RPTOR: variants seen among roughly 807,000 people sequenced by gnomAD.
The protein encoded by RPTOR is regulatory associated protein of MTOR complex 1.
A neutral mutation model predicts 169.9 loss-of-function variants in RPTOR; 21 were observed. That is an observed-to-expected ratio of 0.12 (90% confidence interval 0.09 to 0.18). RPTOR has a LOEUF of 0.18. Ranked by LOEUF, RPTOR falls within the 10% of genes least tolerant of loss-of-function variation. The pLI, the probability that RPTOR is intolerant of heterozygous loss-of-function variation, is 1.00. For synonymous variants in RPTOR, 732 were observed against 753.2 expected (o/e 0.97, Z 0.46); for missense variants, 1,133 against 1,855.9 (o/e 0.61, Z 7.16).
chr17:80,545,835 C>T, intron 1 of RPTOR, 44 bp downstream of exon 1: 1 of 1,490,542 alleles, frequency 6.7e-7, no homozygotes, highest in East Asian at 2.5e-5. Flanking sequence ...GTAGTTTCCC[C>T]AACAAAGAAA....
At chr17:80,788,535 C>A (rs528821678) in intron 6 of RPTOR, among the ~76,000 whole-genome samples, 2 of 152,264 alleles carry the variant, frequency 1.3e-5, no homozygotes, top group South Asian at 2.1e-4. Flanking sequence ...AATAAAAACA[C>A]CGCTCCACTG....
At chr17:80,706,718 C>T (rs1310070938) in intron 3 of RPTOR, among the ~76,000 whole-genome samples, 1 of 152,174 alleles carries the variant, frequency 6.6e-6, no homozygotes, top group African/African-American at 2.4e-5. Flanking sequence ...TCTGGCCCTT[C>T]GTCCCTGTTT....
At chr17:80,787,351 TG>T (rs2067003751) in intron 6 of RPTOR, among the ~76,000 whole-genome samples, 1 of 152,240 alleles carries the variant, frequency 6.6e-6, no homozygotes, top group Non-Finnish European at 1.5e-5. Flanking sequence ...TCTGCGAATA[TG>T]CCACACTGTG....
intron 24 of RPTOR, among the ~76,000 whole-genome samples, chr17:80,926,191 T>C (rs990595217): frequency 6.6e-6 from 1 of 152,230 alleles, no homozygotes; most frequent in Non-Finnish European, 1.5e-5. Context: ...TCTCTGTGAA[T>C]GGTATTTGGA....
At chr17:80,798,230 C>T (rs2067120331) in intron 7 of RPTOR, among the ~76,000 whole-genome samples, 1 of 152,174 alleles carries the variant, frequency 6.6e-6, no homozygotes, top group Non-Finnish European at 1.5e-5. Flanking sequence ...AACCAACTTC[C>T]CTCCTTACAG....
chr17:80,923,676 A>G lies in RPTOR; in HGVS notation c.2808+3A>G. 6.3e-7 allele frequency: 1 copy of G among 1,585,098 alleles called. No individual in the cohort carries two copies. The highest frequency in any genetic ancestry group is 8.6e-7 in the Non-Finnish European group (1 of 1,162,102). On this transcript the variant is annotated splice_donor_region_variant and intron_variant, in intron 23 of 33. Transcript: ENST00000306801. Reference sequence around the variant, plus strand: ...TGTTCGACAAGGGCCCAGAGCAGGTACGGGAGCCCGGCTGCCTGGTGATCT... The same window carrying G: ...TGTTCGACAAGGGCCCAGAGCAGGTGCGGGAGCCCGGCTGCCTGGTGATCT...
intron 1 of RPTOR, among the ~76,000 whole-genome samples, chr17:80,616,697 A>C (rs1417217065): frequency 6.6e-6 from 1 of 152,140 alleles, no homozygotes; most frequent in Non-Finnish European, 1.5e-5. Flanking sequence ...TTGAGATGGG[A>C]GGATCCGTTT....
chr17:80,743,654 G>T (rs3764370), intron 5 of RPTOR, among the ~76,000 whole-genome samples: 7,336 of 146,106 alleles, frequency 0.05, 270 homozygotes, highest in Non-Finnish European at 0.072. Flanking sequence ...CTTTGCCCTC[G>T]GCAGCAAGGG....
intron 1 of RPTOR, among the ~76,000 whole-genome samples, chr17:80,573,965 T>G (rs1322069291): frequency 6.6e-6 from 1 of 152,194 alleles, no homozygotes; most frequent in African/African-American, 2.4e-5. Flanking sequence ...CCCACATGCC[T>G]GGGTCGGGGG....
intron 5 of RPTOR, among the ~76,000 whole-genome samples, chr17:80,750,400 C>T (rs1220609232): frequency 1.3e-5 from 2 of 152,188 alleles, no homozygotes; most frequent in East Asian, 1.9e-4. Flanking sequence ...TCGCAAATGG[C>T]GCCTTCCACA....
intron 6 of RPTOR, among the ~76,000 whole-genome samples, chr17:80,771,168 A>G (rs2066839474): frequency 6.6e-6 from 1 of 150,404 alleles, no homozygotes; most frequent in African/African-American, 2.5e-5. Context: ...TGAAGCTCCC[A>G]CTCTCTGGCC....
At chr17:80,839,140 C>T (rs766033649) in intron 10 of RPTOR, among the ~76,000 whole-genome samples, 11 of 152,210 alleles carry the variant, frequency 7.2e-5, no homozygotes, top group South Asian at 2.1e-4. Flanking sequence ...GGTGTGCCTG[C>T]GTGCGTGCGT....
rs757939502 is a variant in RPTOR at position 80,949,543 on chromosome 17, G to A, written c.3366G>A (p.Thr1122=). 1.7e-5 allele frequency: 28 copies of A among 1,613,362 alleles called. No homozygotes were observed. The highest frequency in any genetic ancestry group is 8.8e-5 in the South Asian group (8 of 91,080). Residue 1122 remains threonine (T), a synonymous_variant, in exon 28 of 34, where the codon ACG becomes ACA. Coordinates refer to ENST00000306801, the MANE Select transcript of RPTOR (RefSeq NM_020761.3). ...WQGLSDMLPT[T]RGAGMVVDWE... ...GGCTCTCGGACATGCTGCCAACGAC[G>A]CGAGGTGGGTCCGCCCGGCTCCTCC...
At chr17:80,821,839 T>A (rs2067382516) in intron 7 of RPTOR, among the ~76,000 whole-genome samples, 1 of 152,200 alleles carries the variant, frequency 6.6e-6, no homozygotes, top group East Asian at 1.9e-4. Flanking sequence ...GGTATAACCC[T>A]GCAGAGCATG....
Position 80,609,571 on chromosome 17 carries a change from C to CGG in RPTOR, c.163-16120_163-16119insGG. On this transcript the variant is annotated intron_variant, in intron 1 of 33. Coordinates refer to ENST00000306801, the MANE Select transcript of RPTOR (RefSeq NM_020761.3). This position sits in a 1 kb window ranked among gnomAD's most constrained non-coding sequence, Gnocchi z 4.8. ...ACCAGCCTGGCCAACATGGTGAAACCCCATCTCTACTAAAAATAGAAAAAT... is the reference window on the plus strand; with the variant it reads ...ACCAGCCTGGCCAACATGGTGAAACCGGCCATCTCTACTAAAAATAGAAAAAT... Among the ~76,000 whole-genome samples, 1 of 152,024 alleles carries CGG rather than the reference C, an allele frequency of 6.6e-6. No homozygotes were observed. Among genetic ancestry groups the CGG allele is most frequent in the East Asian group, 1.9e-4 (1 of 5,180 alleles).
intron 1 of RPTOR, among the ~76,000 whole-genome samples, chr17:80,617,987 C>CTTTTTTTTTTTTTTTTT (rs1197342364): frequency 1.4e-5 from 2 of 146,450 alleles, no homozygotes; most frequent in African/African-American, 5.1e-5. Flanking sequence ...ATAGTTACAA[C>CTTTTTTTTTTTTTTTTT]TTTTTTTTTT....
At position 80,947,388 on chromosome 17, in the gene RPTOR, G is replaced by T. The variant is rs983232538; in HGVS notation, c.3265+37G>T. 1.3e-6 allele frequency: 2 copies of T among 1,508,066 alleles called. No homozygotes were observed. Among genetic ancestry groups the T allele is most frequent in the Non-Finnish European group, 1.8e-6 (2 of 1,128,894 alleles). 93.4% of individuals were successfully genotyped at this position (1,508,066 alleles called of 1,614,324 possible). ...TTGCACAGCCAGGATTGGAAGCCAG[G>T]GTCTGGAGGAGTGGCGGGGAGGGTG... On this transcript the variant is annotated intron_variant, in intron 27 of 33. Coordinates refer to ENST00000306801, the MANE Select transcript of RPTOR (RefSeq NM_020761.3). This position sits in a 1 kb window ranked among gnomAD's most constrained non-coding sequence, Gnocchi z 4.4.
At chr17:80,571,393 G>T (rs933689426) in intron 1 of RPTOR, among the ~76,000 whole-genome samples, 1 of 152,098 alleles carries the variant, frequency 6.6e-6, no homozygotes, top group East Asian at 1.9e-4. Flanking sequence ...ACATCTGTGT[G>T]CCCCCAGCCC....
intron 3 of RPTOR, among the ~76,000 whole-genome samples, chr17:80,674,818 A>ACC (rs1567851446): frequency 2.6e-5 from 3 of 115,968 alleles, no homozygotes; most frequent in Non-Finnish European, 3.6e-5. Flanking sequence ...AAAAAAAAAA[A>ACC]AAAAAAACAA....
Sources: gnomAD v4.1 joint callset for allele counts (sites outside exome capture counted in the v4.1 genomes callset) on GRCh38, gnomAD v4.1.1 for gene constraint, Gnocchi (gnomAD v3.1) non-coding constraint, MANE v1.5 for transcripts, NCBI Gene and HGNC (gene_info 2026-07-23, HGNC 2026-07-21) for gene names.